Variants in SORCS1 observed in about 807,000 individuals in gnomAD.
SORCS1 encodes VPS10 domain-containing receptor SorCS1.
Under a neutral mutation model 146.1 loss-of-function variants are expected in SORCS1, and 60 were observed. The observed-to-expected ratio is 0.41, with a 90% CI of 0.33 to 0.51. The LOEUF is 0.51. SORCS1 is among the 20% of genes least tolerant of loss of function. The probability of loss-of-function intolerance (pLI) is 0.21; values close to 1 mark genes in which losing one functional copy is unlikely to be tolerated. For synonymous variants in SORCS1, 637 were observed against 584.0 expected (o/e 1.09, Z -1.31); for missense variants, 1,352 against 1,487.6 (o/e 0.91, Z 1.50).
chr10:107,170,760 G>A, the SORCS1 span, among the ~76,000 whole-genome samples: 1 of 152,204 alleles, frequency 6.6e-6, no homozygotes, highest in African/African-American at 2.4e-5. Context: ...CAGGCCTCCA[G>A]TCCAGATATT....
chr10:106,725,939 A>G (rs183019088), intron 6 of SORCS1, among the ~76,000 whole-genome samples: 1 of 51,148 alleles, frequency 2.0e-5, no homozygotes, highest in Non-Finnish European at 4.7e-5. Context: ...TCAGGAAAAA[A>G]AAAAAAAAAA....
At position 107,052,410 on chromosome 10, in the gene SORCS1, T is replaced by C. The variant is rs1321005096; in HGVS notation, c.559-95830A>G. Among the ~76,000 whole-genome samples, 4 of 152,206 alleles carry C rather than the reference T, an allele frequency of 2.6e-5. No individual in the cohort carries two copies. In the East Asian group the frequency reaches 7.7e-4, roughly 29 times the overall value. On this transcript the variant is annotated intron_variant, in intron 1 of 25. Transcript: ENST00000263054. ...AGTGGCCATATAAATTATCAACCTATTGGGATTCTTTTTTTAAGTTAAAGG... is the reference window on the plus strand; with the variant it reads ...AGTGGCCATATAAATTATCAACCTACTGGGATTCTTTTTTTAAGTTAAAGG...
chr10:106,587,273 T>C (rs1489561638), intron 24 of SORCS1, among the ~76,000 whole-genome samples: 1 of 152,176 alleles, frequency 6.6e-6, no homozygotes, highest in Non-Finnish European at 1.5e-5. Flanking sequence ...GACCGAAAAC[T>C]AAAGAGACAG....
At position 106,882,933 on chromosome 10, in the gene SORCS1, T is replaced by C. The variant is rs1428330940; in HGVS notation, c.627-53260A>G. Among the ~76,000 whole-genome samples, 5 of 152,180 alleles carry C rather than the reference T, an allele frequency of 3.3e-5. No homozygotes were observed. In the East Asian group the frequency reaches 5.8e-4, roughly 18 times the overall value. On this transcript the variant is annotated intron_variant, in intron 2 of 25. Coordinates refer to ENST00000263054, the MANE Select transcript of SORCS1 (RefSeq NM_052918.5). ...ACACAAAACCCCAGCAAAACTTTCA[T>C]AGAATCAGGTTCCATTCTGATCACA...
chr10:107,176,577 C>T, the SORCS1 span, among the ~76,000 whole-genome samples: 576 of 152,036 alleles, frequency 3.8e-3, 3 homozygotes, highest in Non-Finnish European at 5.8e-3. Flanking sequence ...TGGTCTCAAG[C>T]GATCCTCCCA....
chr10:106,671,226 C>T lies in SORCS1; in HGVS notation c.2189+11G>A. The stretch of plus-strand genomic sequence containing the variant: ...ACCAAATGGCTCCAGGAGATAATTG[C>T]ACAAGCTCACCAATCAAAATCAGCC... On this transcript the variant is annotated intron_variant, in intron 16 of 25. Transcript: ENST00000263054. The T allele has an allele frequency of 3.1e-6, 5 of 1,613,914 alleles. No individual in the cohort carries two copies. Among genetic ancestry groups the T allele is most frequent in the Non-Finnish European group, 3.4e-6 (4 of 1,179,878 alleles).
intron 1 of SORCS1, among the ~76,000 whole-genome samples, chr10:107,026,977 A>T (rs1361508192): frequency 1.3e-5 from 2 of 150,330 alleles, no homozygotes; most frequent in Non-Finnish European, 3.0e-5. Context: ...GCCCCAATTT[A>T]TCTAGTTGGT....
At chr10:106,680,191 C>T (rs140877216) in intron 10 of SORCS1, among the ~76,000 whole-genome samples, 238 of 152,224 alleles carry the variant, frequency 1.6e-3, no homozygotes, top group Non-Finnish European at 2.2e-3. Flanking sequence ...AGGCTATGAA[C>T]AGTAGGTAGA....
At chr10:106,868,740 A>C (rs191309225) in intron 2 of SORCS1, among the ~76,000 whole-genome samples, 21 of 152,324 alleles carry the variant, frequency 1.4e-4, no homozygotes, top group Admixed American at 5.2e-4. Context: ...CACATCAAAA[A>C]CTTAGAAAGA....
At chr10:107,084,271 T>G (rs1181306258) in intron 1 of SORCS1, among the ~76,000 whole-genome samples, 4 of 150,936 alleles carry the variant, frequency 2.7e-5, no homozygotes, top group African/African-American at 4.9e-5. Flanking sequence ...AATTTTTTTT[T>G]TTTTTTTTGT....
At chr10:106,705,356 A>T (rs908663060) in intron 8 of SORCS1, among the ~76,000 whole-genome samples, 1 of 152,190 alleles carries the variant, frequency 6.6e-6, no homozygotes, top group African/African-American at 2.4e-5. Context: ...GCCAAGAAAG[A>T]GAATTCATCC....
chr10:106,634,039 A>G (rs11192984), intron 18 of SORCS1, among the ~76,000 whole-genome samples: 2 of 152,206 alleles, frequency 1.3e-5, no homozygotes, highest in African/African-American at 4.8e-5. Flanking sequence ...TAATATGATG[A>G]AAAAGCTTTA....
chr10:106,884,510 A>T (rs1487234445), intron 2 of SORCS1, among the ~76,000 whole-genome samples: 1 of 152,142 alleles, frequency 6.6e-6, no homozygotes, highest in Admixed American at 6.6e-5. Flanking sequence ...ATTGATCTAC[A>T]TTTAAGAGAA....
chr10:107,093,095 C>T (rs1179750785), intron 1 of SORCS1, among the ~76,000 whole-genome samples: 1 of 152,082 alleles, frequency 6.6e-6, no homozygotes, highest in Non-Finnish European at 1.5e-5. Flanking sequence ...TTCAAGATTC[C>T]ATTGCTAGTA....
chr10:107,163,856 G>T, intron 1 of SORCS1, 113 bp downstream of exon 1: 1 of 1,225,574 alleles, frequency 8.2e-7, no homozygotes, highest in Non-Finnish European at 1.1e-6. Context: ...CCAGTTTGCA[G>T]CATCTCCCAT....
At chr10:106,578,605 C>G in intron 25 of SORCS1, 4 of 961,472 alleles carry the variant, frequency 4.2e-6, no homozygotes, top group Non-Finnish European at 5.0e-6. Flanking sequence ...TCAGGCTGGC[C>G]ACTCTCATTA....
chr10:107,134,703 G>T (rs1388534467), intron 1 of SORCS1, among the ~76,000 whole-genome samples: 2 of 152,192 alleles, frequency 1.3e-5, no homozygotes, highest in African/African-American at 4.8e-5. Flanking sequence ...CAATGTAAGG[G>T]TTGGGGTGGG....
intron 3 of SORCS1, among the ~76,000 whole-genome samples, chr10:106,823,184 GC>G (rs1948139229): frequency 6.6e-6 from 1 of 152,146 alleles, no homozygotes; most frequent in African/African-American, 2.4e-5. Flanking sequence ...GGTGGAATGA[GC>G]AAGTGTTGCT....
intron 1 of SORCS1, among the ~76,000 whole-genome samples, chr10:107,040,958 T>C (rs994224137): frequency 2.0e-4 from 30 of 152,216 alleles, no homozygotes; most frequent in Non-Finnish European, 5.9e-5. Context: ...AATATAATAC[T>C]TGTTTGCTAT....
Sources: gnomAD v4.1 joint callset for allele counts (sites outside exome capture counted in the v4.1 genomes callset) on GRCh38, gnomAD v4.1.1 for gene constraint, MANE v1.5 for transcripts, NCBI Gene and HGNC (gene_info 2026-07-23, HGNC 2026-07-21) for gene names.